TSHZ2: variants seen among roughly 807,000 people sequenced by gnomAD.
The protein encoded by TSHZ2 is teashirt homolog 2.
In TSHZ2, 21 loss-of-function variants were observed where a neutral mutation model predicts 74.4. The ratio of observed to expected loss-of-function variants is 0.28; its 90% CI spans 0.20 to 0.41. The LOEUF (loss-of-function observed/expected upper bound fraction) is 0.41, where lower values mean the gene tolerates loss of function less well. Ranked by LOEUF, TSHZ2 falls within the 10% of genes least tolerant of loss-of-function variation. The probability of loss-of-function intolerance (pLI) is 1.00; values close to 1 mark genes in which losing one functional copy is unlikely to be tolerated. For synonymous variants in TSHZ2, 540 were observed against 515.3 expected (o/e 1.05, Z -0.65); for missense variants, 1,244 against 1,293.5 (o/e 0.96, Z 0.59).
At chr20:53,041,013 C>G (rs367963242) in intron 1 of TSHZ2, among the ~76,000 whole-genome samples, 6 of 152,190 alleles carry the variant, frequency 3.9e-5, no homozygotes, top group African/African-American at 1.4e-4. Flanking sequence ...CAAGGGGAAA[C>G]GAAACTGGTT....
chr20:53,368,482 TA>T (rs879366448), intron 2 of TSHZ2, among the ~76,000 whole-genome samples: 24 of 151,590 alleles, frequency 1.6e-4, no homozygotes, highest in Non-Finnish European at 3.1e-4. Flanking sequence ...TTTTTTATTT[TA>T]TTTTTTTAGT....
At position 53,465,302 on chromosome 20, in the gene TSHZ2, G is replaced by A. The variant is rs147309406; in HGVS notation, c.*9-21842G>A. 4.4e-3 allele frequency among the ~76,000 whole-genome samples: 672 copies of A among 151,820 alleles called. 2 individuals carry two copies. The highest frequency in any genetic ancestry group is 0.037 in the South Asian group (178 of 4,804). The stretch of plus-strand genomic sequence containing the variant: ...GTGTGTGTGTGTGAGACAGAGTCTC[G>A]CTCTGTCACCCAGGCTGAAGTGCAA... On this transcript the variant is annotated intron_variant, in intron 2 of 2. Coordinates refer to ENST00000371497, the MANE Select transcript of TSHZ2 (RefSeq NM_173485.6).
chr20:53,448,719 C>A (rs1462285374), intron 2 of TSHZ2, among the ~76,000 whole-genome samples: 5 of 152,092 alleles, frequency 3.3e-5, no homozygotes, highest in African/African-American at 1.2e-4. Flanking sequence ...TTGTGTCATT[C>A]CCCAAAATGT....
rs1197922223 is a variant in TSHZ2 at position 53,050,141 on chromosome 20, G to GTA, written c.40+76819_40+76820dup. On this transcript the variant is annotated intron_variant, in intron 1 of 2. Coordinates refer to ENST00000371497, the MANE Select transcript of TSHZ2 (RefSeq NM_173485.6). ...TATATATATACACATATATATATGT[G>GTA]TATATATATATACACATATATATGT... Among the ~76,000 whole-genome samples the GTA allele has an allele frequency of 5.2e-4, 40 of 76,414 alleles. 1 individual carries two copies. The highest frequency in any genetic ancestry group is 1.9e-3 in the Admixed American group (15 of 7,844). The allele number at this position is 76,414 out of a possible 152,430, so 50.1% of individuals were successfully genotyped here.
chr20:53,167,447 CTTCAAACCTATG>C (rs1312890942), intron 1 of TSHZ2, among the ~76,000 whole-genome samples: 1 of 152,166 alleles, frequency 6.6e-6, no homozygotes, highest in African/African-American at 2.4e-5. Flanking sequence ...GGAAGTCAGG[CTTCAAACCTATG>C]TTTGACCCCA....
chr20:53,378,232 C>T (rs920113965), intron 2 of TSHZ2, among the ~76,000 whole-genome samples: 12 of 151,702 alleles, frequency 7.9e-5, no homozygotes, highest in East Asian at 3.9e-4. Flanking sequence ...CCCAACTACT[C>T]GGAAAGCTGA....
chr20:53,324,692 C>T (rs1466109690), intron 2 of TSHZ2, among the ~76,000 whole-genome samples: 3 of 152,180 alleles, frequency 2.0e-5, no homozygotes, highest in African/African-American at 4.8e-5. Context: ...TCACCTCCTC[C>T]GTGAAGACCT....
chr20:53,002,749 C>T (rs1982486543), intron 1 of TSHZ2, among the ~76,000 whole-genome samples: 1 of 152,044 alleles, frequency 6.6e-6, no homozygotes, highest in South Asian at 2.1e-4. Flanking sequence ...GTATTTGGGA[C>T]CTACGGGCAA....
intron 1 of TSHZ2, among the ~76,000 whole-genome samples, chr20:53,100,257 C>A (rs1213910945): frequency 6.6e-6 from 1 of 152,154 alleles, no homozygotes; most frequent in Non-Finnish European, 1.5e-5. Context: ...GCCTCAACCT[C>A]ACTTTGCCCC....
intron 1 of TSHZ2, among the ~76,000 whole-genome samples, chr20:52,987,480 C>CCT (rs542355484): frequency 1.3e-5 from 2 of 150,070 alleles, no homozygotes; most frequent in African/African-American, 2.4e-5. Context: ...CTTTCTCTCT[C>CCT]CTCTCTCTCT....
At chr20:53,050,101 G>GTA (rs1213487235) in intron 1 of TSHZ2, among the ~76,000 whole-genome samples, 743 of 60,404 alleles carry the variant, frequency 0.012, 10 homozygotes, top group Middle Eastern at 0.029. Context: ...ATGTATATGT[G>GTA]TGTATATATA....
intron 2 of TSHZ2, among the ~76,000 whole-genome samples, chr20:53,451,045 T>C (rs545792792): frequency 4.1e-4 from 63 of 152,260 alleles, no homozygotes; most frequent in Non-Finnish European, 6.6e-4. Context: ...TTGGAAAACC[T>C]TTCTGAAAAA....
At chr20:53,280,090 A>G (rs1215491297) in intron 2 of TSHZ2, among the ~76,000 whole-genome samples, 6 of 151,968 alleles carry the variant, frequency 3.9e-5, no homozygotes, top group African/African-American at 7.2e-5. Context: ...GCATGACCCA[A>G]TGGGCATTTT....
intron 1 of TSHZ2, among the ~76,000 whole-genome samples, chr20:53,235,334 A>AT (rs1277756077): frequency 2.0e-5 from 3 of 151,116 alleles, no homozygotes; most frequent in East Asian, 1.9e-4. Context: ...TACCCAGCCA[A>AT]TTTTTTTGTA....
At chr20:53,076,565 C>T (rs1234696912) in intron 1 of TSHZ2, among the ~76,000 whole-genome samples, 2 of 152,114 alleles carry the variant, frequency 1.3e-5, no homozygotes, top group Non-Finnish European at 2.9e-5. Flanking sequence ...GAGGTCCTGA[C>T]CCAGTCTGAA....
intron 2 of TSHZ2, among the ~76,000 whole-genome samples, chr20:53,335,660 T>C (rs1334343666): frequency 6.6e-6 from 1 of 152,228 alleles, no homozygotes; most frequent in Non-Finnish European, 1.5e-5. Flanking sequence ...ACTGAGGCTT[T>C]GGGGAAGGGT....
chr20:53,155,656 C>G (rs1987778255), intron 1 of TSHZ2, among the ~76,000 whole-genome samples: 1 of 152,026 alleles, frequency 6.6e-6, no homozygotes, highest in African/African-American at 2.4e-5. Context: ...AAGACCCACT[C>G]TGAAAATGAC....
intron 1 of TSHZ2, among the ~76,000 whole-genome samples, chr20:53,251,171 A>C (rs1990321405): frequency 6.6e-6 from 1 of 152,154 alleles, no homozygotes; most frequent in Non-Finnish European, 1.5e-5. Flanking sequence ...CGTTACCCAC[A>C]GGTGTTGTCA....
At chr20:53,002,895 C>T (rs1001222297) in intron 1 of TSHZ2, among the ~76,000 whole-genome samples, 3 of 152,090 alleles carry the variant, frequency 2.0e-5, no homozygotes, top group Non-Finnish European at 2.9e-5. Flanking sequence ...ATGGCCATCA[C>T]CTTGCATTCC....
Sources: gnomAD v4.1 joint callset for allele counts (sites outside exome capture counted in the v4.1 genomes callset) on GRCh38, gnomAD v4.1.1 for gene constraint, MANE v1.5 for transcripts, NCBI Gene and HGNC (gene_info 2026-07-23, HGNC 2026-07-21) for gene names.